DAAM2: variants seen among roughly 807,000 people sequenced by gnomAD.
The protein encoded by DAAM2 is dishevelled associated activator of morphogenesis 2, also known as disheveled-associated activator of morphogenesis 2.
DAAM2 carries 39 observed loss-of-function variants against 120.7 expected under a neutral mutation model. The ratio of observed to expected loss-of-function variants is 0.32; its 90% CI spans 0.25 to 0.42. The LOEUF (loss-of-function observed/expected upper bound fraction) is 0.42, where lower values mean the gene tolerates loss of function less well. DAAM2 is among the 10% of genes least tolerant of loss of function. The pLI is 1.00. For missense variants in DAAM2, 1,283 were observed against 1,401.7 expected, an observed-to-expected ratio of 0.92 and a Z score of 1.35; for synonymous variants, 488 against 524.9, an observed-to-expected ratio of 0.93 and a Z score of 0.96.
At chr6:39,846,217 C>T (rs1034243309) in intron 1 of DAAM2, among the ~76,000 whole-genome samples, 1 of 151,952 alleles carries the variant, frequency 6.6e-6, no homozygotes, top group Non-Finnish European at 1.5e-5. Flanking sequence ...CGTACCCAGC[C>T]CCAAGAGCAG....
intron 23 of DAAM2, 95 bp downstream of exon 23, chr6:39,900,303 AC>A: frequency 7.0e-7 from 1 of 1,419,444 alleles, no homozygotes; most frequent in Non-Finnish European, 9.5e-7. Flanking sequence ...GGAGGGACAA[AC>A]CCAGAGTTAC....
At chr6:39,861,600 G>A (rs1764214679) in intron 3 of DAAM2, 1 of 183,022 alleles carries the variant, frequency 5.5e-6, no homozygotes, top group African/African-American at 2.3e-5. Flanking sequence ...CCCAGCGGCT[G>A]TGCATTCTTC....
chr6:39,841,971 C>A (rs755208418), intron 1 of DAAM2, among the ~76,000 whole-genome samples: 2 of 152,200 alleles, frequency 1.3e-5, no homozygotes, highest in Non-Finnish European at 2.9e-5. Flanking sequence ...AGAAATGAAA[C>A]AAACAAATGA....
rs369765983 is a variant in DAAM2, at chr6:39,896,998, C to T, written c.2510+18C>T. On this transcript the variant is annotated intron_variant, in intron 20 of 24. Transcript: ENST00000274867. ...ATCGACAGGTGAGGACCTCCCTTCC[C>T]GGCCACTTCCTTGGCCTCTATCTCA... 6.5e-5 allele frequency: 103 copies of T among 1,594,524 alleles called. No individual in the cohort carries two copies. Among genetic ancestry groups the T allele is most frequent in the East Asian group, 8.9e-5 (4 of 44,798 alleles).
intron 15 of DAAM2, chr6:39,884,399 G>A (rs1765276888): frequency 4.4e-6 from 1 of 226,650 alleles, no homozygotes; most frequent in Admixed American, 5.0e-5. Context: ...CCATCCTGGA[G>A]CATCGGAGGT....
chr6:39,800,680 C>T (rs572012570), intron 1 of DAAM2, among the ~76,000 whole-genome samples: 7 of 152,292 alleles, frequency 4.6e-5, no homozygotes, highest in African/African-American at 1.2e-4. Flanking sequence ...TGTCCATGCT[C>T]CTCTCCTGGG....
Position 39,878,331 on chromosome 6 carries a change from C to G in DAAM2, c.1360+70C>G. The G allele has an allele frequency of 6.2e-7, 1 of 1,610,048 alleles. No individual in the cohort carries two copies. Among genetic ancestry groups the G allele is most frequent in the Non-Finnish European group, 8.5e-7 (1 of 1,177,282 alleles). On this transcript the variant is annotated intron_variant, in intron 12 of 24. Transcript: ENST00000274867. The surrounding 1 kb of genome is among the most constrained non-coding windows in gnomAD (Gnocchi z 5.0). ...CCCCTGCCCAGCCCATAACTCCATG[C>G]CCTTCCAGGCAGGGAGTCACATTAC...
chr6:39,803,825 G>A (rs1375575654), intron 1 of DAAM2, among the ~76,000 whole-genome samples: 4 of 152,134 alleles, frequency 2.6e-5, no homozygotes, highest in Non-Finnish European at 5.9e-5. Context: ...CAGTGACCTT[G>A]GGAAGCCAAA....
chr6:39,845,168 C>T (rs1363562817), intron 1 of DAAM2, among the ~76,000 whole-genome samples: 1 of 147,408 alleles, frequency 6.8e-6, no homozygotes, highest in African/African-American at 2.5e-5. Context: ...CACACATACA[C>T]ACACCACACA....
In DAAM2 at chr6:39,860,916, T is replaced by C. The variant is rs1465278581; in HGVS notation, c.169-12T>C. ...CTAGTGTCAGACGTATTTTTTCTTA[T>C]TGTCTTTGCAGGATGAATTGGATCT... On this transcript the variant is annotated splice_polypyrimidine_tract_variant and intron_variant, in intron 2 of 24. Coordinates refer to ENST00000274867, the MANE Select transcript of DAAM2 (RefSeq NM_001201427.2). 6.2e-7 allele frequency: 1 copy of C among 1,608,634 alleles called. No individual in the cohort carries two copies. Among genetic ancestry groups the C allele is most frequent in the Admixed American group, 1.7e-5 (1 of 59,638 alleles).
chr6:39,835,208 G>T (rs1336647658), intron 1 of DAAM2, among the ~76,000 whole-genome samples: 1 of 152,246 alleles, frequency 6.6e-6, no homozygotes, highest in East Asian at 1.9e-4. Context: ...GCTGGACATA[G>T]GGGTCCAGGT....
At chr6:39,832,556 A>G (rs1168148449) in intron 1 of DAAM2, among the ~76,000 whole-genome samples, 1 of 152,018 alleles carries the variant, frequency 6.6e-6, no homozygotes, top group Non-Finnish European at 1.5e-5. Flanking sequence ...ATAATTTTCA[A>G]TGAAAAACTT....
intron 8 of DAAM2, among the ~76,000 whole-genome samples, chr6:39,871,237 G>A (rs1027741310): frequency 2.0e-5 from 3 of 152,106 alleles, no homozygotes; most frequent in African/African-American, 7.2e-5. Flanking sequence ...AGATAAGCGA[G>A]CCCAAAATGT....
chr6:39,831,766 A>C (rs1189900682), intron 1 of DAAM2, among the ~76,000 whole-genome samples: 1 of 35,528 alleles, frequency 2.8e-5, no homozygotes, highest in African/African-American at 1.3e-4. Context: ...AGCACTGGGG[A>C]GGCAGGTGTA....
At chr6:39,827,764 C>G (rs1762728192) in intron 1 of DAAM2, among the ~76,000 whole-genome samples, 1 of 152,166 alleles carries the variant, frequency 6.6e-6, no homozygotes, top group Non-Finnish European at 1.5e-5. Flanking sequence ...AAAGGGGAAT[C>G]TGGAAAATCA....
intron 3 of DAAM2, 85 bp downstream of exon 3, chr6:39,861,102 C>T: frequency 1.0e-6 from 1 of 987,424 alleles, no homozygotes; most frequent in African/African-American, 1.6e-5. Context: ...ATGCATTCAC[C>T]TGATGTTTAT....
chr6:39,836,747 C>T (rs978170422), intron 1 of DAAM2, among the ~76,000 whole-genome samples: 1 of 152,292 alleles, frequency 6.6e-6, no homozygotes, highest in East Asian at 1.9e-4. Context: ...CTGCAAATCT[C>T]CACGTCCACC....
Position 39,879,358 on chromosome 6 carries a change from G to A in DAAM2, c.1726G>A (p.Gly576Ser), listed in dbSNP as rs746541722. ...TCCCCCAGGTGCCCCACCTTGCCTC[G>A]GCATGGGCCTGCCCCTCCCTCAGGA... ...PTPPGAPPCLGMGLPLPQDPY... is the reference protein window; with the variant it reads ...PTPPGAPPCLSMGLPLPQDPY... Residue 576 changes from glycine (G) to serine (S), a missense_variant, in exon 14 of 25, where the codon GGC becomes AGC. By Grantham distance (56) the Gly-to-Ser change is moderately conservative (BLOSUM62 0). Coordinates refer to ENST00000274867, the MANE Select transcript of DAAM2 (RefSeq NM_001201427.2). 8.6e-6 allele frequency: 13 copies of A among 1,507,612 alleles called. No individual in the cohort carries two copies. The highest frequency in any genetic ancestry group is 3.5e-5 in the South Asian group (3 of 85,040). 93.4% of individuals were successfully genotyped at this position (1,507,612 alleles called of 1,614,324 possible).
chr6:39,802,775 G>C (rs3008792), intron 1 of DAAM2, among the ~76,000 whole-genome samples: 131,848 of 152,170 alleles, frequency 0.87, 58,918 homozygotes, highest in Non-Finnish European at 0.99. Context: ...CAACATAAAT[G>C]AGAAAAAATA....
Sources: gnomAD v4.1 joint callset for allele counts (sites outside exome capture counted in the v4.1 genomes callset) on GRCh38, gnomAD v4.1.1 for gene constraint, Gnocchi (gnomAD v3.1) non-coding constraint, MANE v1.5 for transcripts, NCBI Gene and HGNC (gene_info 2026-07-23, HGNC 2026-07-21) for gene names.